The following RNF144B variants were observed in gnomAD, a reference collection of about 807,000 sequenced individuals.
RNF144B encodes ring finger protein 144B, also known as E3 ubiquitin-protein ligase RNF144B.
In RNF144B, 25 loss-of-function variants were observed where a neutral mutation model predicts 40.2. The observed-to-expected ratio is 0.62, with a 90% CI of 0.45 to 0.87. RNF144B has a LOEUF of 0.87. Ranked by LOEUF, RNF144B falls within the 40% of genes least tolerant of loss-of-function variation. The pLI is 0.00. For synonymous variants in RNF144B, 145 were observed against 136.3 expected (o/e 1.06, Z -0.44); for missense variants, 365 against 373.7 (o/e 0.98, Z 0.19).
chr6:18,399,560 A>C lies in RNF144B; in HGVS notation c.26A>C (p.Tyr9Ser). MGSAGRLHYLAMTAENPTP... is the reference protein window; with the variant it reads MGSAGRLHSLAMTAENPTP... ...ATGGGCTCAGCTGGTAGGCTCCACT[A>C]TCTCGCCATGACTGCTGAAAATCCC... The change falls in exon 2 of 8, where the codon TAT becomes TCT. Residue 9 changes from tyrosine to serine, a missense_variant. Transcript: ENST00000259939. 5.0e-6 allele frequency: 8 copies of C among 1,614,130 alleles called. No individual in the cohort carries two copies. Among genetic ancestry groups the C allele is most frequent in the Non-Finnish European group, 6.8e-6 (8 of 1,180,018 alleles).
chr6:18,465,178 C>T lies in RNF144B; in HGVS notation c.*111C>T, dbSNP rs1759550654. Reference sequence around the variant, plus strand: ...CTCCTTGCCAACTTTGAAAGTGCCTCCGTGTCCAGACTTTGAACTTGCCTG... The same window carrying T: ...CTCCTTGCCAACTTTGAAAGTGCCTTCGTGTCCAGACTTTGAACTTGCCTG... On this transcript the variant is annotated 3_prime_UTR_variant, in exon 8 of 8. Coordinates refer to ENST00000259939, the MANE Select transcript of RNF144B (RefSeq NM_182757.4). The T allele has an allele frequency of 4.4e-6, 5 of 1,125,512 alleles. No homozygotes were observed. The highest frequency in any genetic ancestry group is 2.5e-4 in the Middle Eastern group (1 of 3,928). 69.7% of individuals were successfully genotyped at this position (1,125,512 alleles called of 1,614,324 possible). A position where few individuals can be genotyped will look rare whatever the true frequency, so the allele number is the denominator to read the frequency against.
At position 18,418,278 on chromosome 6, in the gene RNF144B, A is replaced by G. The variant is rs538059665; in HGVS notation, c.166-9303A>G. 5.9e-5 allele frequency among the ~76,000 whole-genome samples: 9 copies of G among 152,358 alleles called. No individual in the cohort carries two copies. The highest frequency in any genetic ancestry group is 1.9e-4 in the African/African-American group (8 of 41,594). ...TGTATGTCCACATGAAAACTTGCTC[A>G]TAGCAGCATAATTCATAATACCACT... On this transcript the variant is annotated intron_variant, in intron 2 of 7. Transcript: ENST00000259939. This position sits in a 1 kb window ranked among gnomAD's most constrained non-coding sequence, Gnocchi z 5.2.
chr6:18,388,013 T>C (rs1194278048), intron 1 of RNF144B, among the ~76,000 whole-genome samples: 2 of 152,186 alleles, frequency 1.3e-5, no homozygotes, highest in Non-Finnish European at 2.9e-5. Context: ...ACTCTGATAC[T>C]ACGAGAGCCA....
chr6:18,422,857 TGAG>T lies in RNF144B; in HGVS notation c.166-4722_166-4720del, dbSNP rs1457600784. On this transcript the variant is annotated intron_variant, in intron 2 of 7. Transcript: ENST00000259939. The surrounding 1 kb of genome is among the most constrained non-coding windows in gnomAD (Gnocchi z 4.7). Reference sequence around the variant, plus strand: ...TCTGTAGCCTCAGCTACTGAGGAGCTGAGGTGGGAGGATCACTGAACCCAGGAG... The same window carrying T: ...TCTGTAGCCTCAGCTACTGAGGAGCTGTGGGAGGATCACTGAACCCAGGAG... Among the ~76,000 whole-genome samples, 1 of 151,432 alleles carries T rather than the reference TGAG, an allele frequency of 6.6e-6. No homozygotes were observed. Among genetic ancestry groups the T allele is most frequent in the Non-Finnish European group, 1.5e-5 (1 of 67,934 alleles).
chr6:18,440,698 T>A, intron 4 of RNF144B, among the ~76,000 whole-genome samples: 1 of 107,550 alleles, frequency 9.3e-6, no homozygotes, highest in Non-Finnish European at 1.9e-5. Context: ...AGGGGTAGAG[T>A]AGGAATGCTT....
rs1759382268 is a variant in RNF144B at position 18,458,525 on chromosome 6, A to G, written c.537-1082A>G. On this transcript the variant is annotated intron_variant, in intron 5 of 7. Transcript: ENST00000259939. The surrounding 1 kb of genome is among the most constrained non-coding windows in gnomAD (Gnocchi z 4.8). ...GCATGTGCCCTCTTAGCCGGATTCA[A>G]ACCACTGTTGCCTACATTTTCGTGG... Among the ~76,000 whole-genome samples, 1 of 152,186 alleles carries G rather than the reference A, an allele frequency of 6.6e-6. No individual in the cohort carries two copies. Among genetic ancestry groups the G allele is most frequent in the African/African-American group, 2.4e-5 (1 of 41,448 alleles).
At chr6:18,462,619 C>T (rs774364137) in intron 6 of RNF144B, among the ~76,000 whole-genome samples, 1 of 151,720 alleles carries the variant, frequency 6.6e-6, no homozygotes, top group Non-Finnish European at 1.5e-5. Context: ...AGATTATCTA[C>T]ACTTAATTTG....
At position 18,459,571 on chromosome 6, in the gene RNF144B, C is replaced by T. The variant is rs1441527506; in HGVS notation, c.537-36C>T. 7 of 1,603,834 alleles carry T rather than the reference C, an allele frequency of 4.4e-6. No homozygotes were observed. The highest frequency in any genetic ancestry group is 5.1e-6 in the Non-Finnish European group (6 of 1,172,626). ...CCCTGGGAATTCAACTGATGACCATCAGCTGAATGCCATTTCTCATCCATT... is the reference window on the plus strand; with the variant it reads ...CCCTGGGAATTCAACTGATGACCATTAGCTGAATGCCATTTCTCATCCATT... On this transcript the variant is annotated intron_variant, in intron 5 of 7. Coordinates refer to ENST00000259939, the MANE Select transcript of RNF144B (RefSeq NM_182757.4). The surrounding 1 kb of genome is among the most constrained non-coding windows in gnomAD (Gnocchi z 4.2).
intron 4 of RNF144B, among the ~76,000 whole-genome samples, chr6:18,445,329 A>T (rs1316829895): frequency 6.6e-6 from 1 of 152,240 alleles, no homozygotes; most frequent in Non-Finnish European, 1.5e-5. Context: ...AAGGGTTTTA[A>T]ATTGAGATTT....
In RNF144B at chr6:18,448,183, T is replaced by A. The variant is rs1253887715; in HGVS notation, c.331+8439T>A. 6.6e-6 allele frequency among the ~76,000 whole-genome samples: 1 copy of A among 152,074 alleles called. No homozygotes were observed. The highest frequency in any genetic ancestry group is 1.5e-5 in the Non-Finnish European group (1 of 68,020). ...TTTGTTTTTTCTTGAAAGGAACTTA[T>A]GATCCAGCAGAAAGGGATGATACAG... On this transcript the variant is annotated intron_variant, in intron 4 of 7. Coordinates refer to ENST00000259939, the MANE Select transcript of RNF144B (RefSeq NM_182757.4). The surrounding 1 kb of genome is among the most constrained non-coding windows in gnomAD (Gnocchi z 4.0).
In RNF144B at chr6:18,457,477, A is replaced by G; in HGVS notation, c.536+118A>G. Reference sequence around the variant, plus strand: ...GTTTAGAGATTGGTTATTTTCCTGCAGAACTTCCCTGAGAAGTGTCTCAGA... The same window carrying G: ...GTTTAGAGATTGGTTATTTTCCTGCGGAACTTCCCTGAGAAGTGTCTCAGA... On this transcript the variant is annotated intron_variant, in intron 5 of 7. Coordinates refer to ENST00000259939, the MANE Select transcript of RNF144B (RefSeq NM_182757.4). This position sits in a 1 kb window ranked among gnomAD's most constrained non-coding sequence, Gnocchi z 5.1. The G allele has an allele frequency of 1.3e-6, 1 of 789,964 alleles. No homozygotes were observed. Among genetic ancestry groups the G allele is most frequent in the South Asian group, 1.5e-5 (1 of 64,590 alleles). The allele number at this position is 789,964 out of a possible 1,614,324, so 48.9% of individuals were successfully genotyped here. A position where few individuals can be genotyped will look rare whatever the true frequency, so the allele number is the denominator to read the frequency against.
chr6:18,431,721 T>C (rs1758700341), intron 3 of RNF144B, among the ~76,000 whole-genome samples: 1 of 152,244 alleles, frequency 6.6e-6, no homozygotes, highest in African/African-American at 2.4e-5. Context: ...TCTTCATTCT[T>C]CTCTGTCTTA....
intron 2 of RNF144B, among the ~76,000 whole-genome samples, chr6:18,420,061 A>C (rs1282624818): frequency 6.6e-6 from 1 of 152,080 alleles, no homozygotes; most frequent in East Asian, 1.9e-4. Context: ...TTCAGTTATC[A>C]GAGGTGAAGG....
rs970874400 is a variant in RNF144B at position 18,463,474 on chromosome 6, A to G, written c.771+94A>G. The G allele has an allele frequency of 2.8e-5, 22 of 780,762 alleles. No homozygotes were observed. In the African/African-American group the frequency reaches 3.4e-4, roughly 12 times the overall value. 48.4% of individuals were successfully genotyped at this position (780,762 alleles called of 1,614,324 possible). ...CCTTTCCTCATTATTCCCTCCTGGGAGGTACCATCCCAGCCTGGGAGCTTC... is the reference window on the plus strand; with the variant it reads ...CCTTTCCTCATTATTCCCTCCTGGGGGGTACCATCCCAGCCTGGGAGCTTC... On this transcript the variant is annotated intron_variant, in intron 7 of 7. Transcript: ENST00000259939.
At chr6:18,411,334 T>TG (rs57507660) in intron 2 of RNF144B, among the ~76,000 whole-genome samples, 149,244 of 150,826 alleles carry the variant, frequency 0.99, 73,865 homozygotes, top group Middle Eastern at 1. Flanking sequence ...AATAGGACCC[T>TG]AAAGTACAAA....
At chr6:18,396,232 A>G (rs949712441) in intron 1 of RNF144B, 151 of 351,930 alleles carry the variant, frequency 4.3e-4, no homozygotes, top group Non-Finnish European at 4.1e-4. Flanking sequence ...CTACCTTCAA[A>G]AGAAGACTAT....
chr6:18,430,122 C>T (rs1394978983), intron 3 of RNF144B, among the ~76,000 whole-genome samples: 1 of 152,178 alleles, frequency 6.6e-6, no homozygotes, highest in East Asian at 1.9e-4. Flanking sequence ...CCTGTGCTGA[C>T]TAATCCAGTA....
rs1795069497 is a variant in RNF144B, at chr6:18,412,569, C to G, written c.165+12870C>G. 6.6e-6 allele frequency among the ~76,000 whole-genome samples: 1 copy of G among 151,868 alleles called. No individual in the cohort carries two copies. Among genetic ancestry groups the G allele is most frequent in the Non-Finnish European group, 1.5e-5 (1 of 67,982 alleles). ...AGATGCCTTATCACACAAAAAAATT[C>G]ATGTCCAGTGACAAAATGTTACTAA... On this transcript the variant is annotated intron_variant, in intron 2 of 7. Coordinates refer to ENST00000259939, the MANE Select transcript of RNF144B (RefSeq NM_182757.4). This position sits in a 1 kb window ranked among gnomAD's most constrained non-coding sequence, Gnocchi z 4.2.
intron 3 of RNF144B, among the ~76,000 whole-genome samples, chr6:18,437,268 A>C (rs1182419788): frequency 6.6e-6 from 1 of 152,136 alleles, no homozygotes; most frequent in Non-Finnish European, 1.5e-5. Flanking sequence ...GCGAGACCCC[A>C]TCTTTACAGA....
Sources: gnomAD v4.1 joint callset for allele counts (sites outside exome capture counted in the v4.1 genomes callset) on GRCh38, gnomAD v4.1.1 for gene constraint, Gnocchi (gnomAD v3.1) non-coding constraint, MANE v1.5 for transcripts, NCBI Gene and HGNC (gene_info 2026-07-23, HGNC 2026-07-21) for gene names.